Variants in NFXL1 observed in about 807,000 individuals in gnomAD.
NFXL1 encodes nuclear transcription factor, X-box binding like 1.
Under a neutral mutation model 123.3 loss-of-function variants are expected in NFXL1, and 66 were observed. The ratio of observed to expected loss-of-function variants is 0.54; its 90% confidence interval spans 0.44 to 0.66. NFXL1 has a LOEUF of 0.66. Among genes scored for constraint, NFXL1 ranks in the 30% least tolerant of loss-of-function variants. NFXL1 has a pLI of 0.00. For missense variants in NFXL1, 944 were observed against 1,125.6 expected, an observed-to-expected ratio of 0.84 and a Z score of 2.31; for synonymous variants, 346 against 360.8, an observed-to-expected ratio of 0.96 and a Z score of 0.46.
intron 18 of NFXL1, among the ~76,000 whole-genome samples, chr4:47,873,575 G>C (rs1578007058): frequency 6.6e-6 from 1 of 152,124 alleles, no homozygotes; most frequent in East Asian, 1.9e-4. Context: ...CTGATCAGTA[G>C]GTCTCAACAG....
At chr4:47,855,600 T>C (rs10030927) in intron 19 of NFXL1, among the ~76,000 whole-genome samples, 111,413 of 151,716 alleles carry the variant, frequency 0.73, 41,158 homozygotes, top group South Asian at 0.76. Flanking sequence ...AGAGCAGAGC[T>C]GCCAGCTGAC....
intron 5 of NFXL1, 78 bp from the exon 6 acceptor site, chr4:47,899,626 G>A: frequency 2.4e-6 from 2 of 835,744 alleles, no homozygotes; most frequent in Non-Finnish European, 1.9e-6. Context: ...ACTTAACAGA[G>A]TATATTCTGT....
intron 6 of NFXL1, 119 bp downstream of exon 6, chr4:47,899,251 T>G (rs1365451595): frequency 1.6e-6 from 2 of 1,285,074 alleles, no homozygotes; most frequent in African/African-American, 1.5e-5. Context: ...GGCAATAACT[T>G]TCAATATTTT....
chr4:47,877,340 GA>G (rs1735817035), intron 17 of NFXL1: 2 of 350,408 alleles, frequency 5.7e-6, no homozygotes, highest in Non-Finnish European at 1.1e-5. Flanking sequence ...TCTTAGTTAA[GA>G]AATACAGCAA....
chr4:47,867,550 T>C (rs977761672), intron 18 of NFXL1, among the ~76,000 whole-genome samples: 1 of 152,122 alleles, frequency 6.6e-6, no homozygotes, highest in African/African-American at 2.4e-5. Flanking sequence ...ATTGAACTTA[T>C]ATGTTGAAAG....
chr4:47,866,132 TG>T (rs1735057773), intron 18 of NFXL1, among the ~76,000 whole-genome samples: 1 of 150,878 alleles, frequency 6.6e-6, no homozygotes, highest in South Asian at 2.1e-4. Flanking sequence ...ACTTCAGACT[TG>T]TTTCAAAATA....
intron 19 of NFXL1, among the ~76,000 whole-genome samples, chr4:47,855,621 G>C (rs1734364770): frequency 6.6e-6 from 1 of 151,894 alleles, no homozygotes; most frequent in South Asian, 2.1e-4. Context: ...TTGGATTCAT[G>C]GGTGAACACA....
chr4:47,895,690 C>G (rs899593538), intron 10 of NFXL1, among the ~76,000 whole-genome samples: 3 of 152,288 alleles, frequency 2.0e-5, no homozygotes, highest in Non-Finnish European at 4.4e-5. Flanking sequence ...TGTTTGCAGA[C>G]CTCTAAATCT....
chr4:47,860,335 T>C (rs1734695495), intron 19 of NFXL1, among the ~76,000 whole-genome samples: 1 of 152,224 alleles, frequency 6.6e-6, no homozygotes, highest in Admixed American at 6.5e-5. Context: ...ATATCTCTTT[T>C]AAGAAAGAGC....
intron 16 of NFXL1, 114 bp from the exon 17 acceptor site, chr4:47,878,779 A>T (rs1735906616): frequency 1.4e-6 from 1 of 705,194 alleles, no homozygotes; most frequent in African/African-American, 1.9e-5. Context: ...GAAAGGTATA[A>T]GTTTGCACGA....
chr4:47,893,781 T>C (rs1736916671), intron 11 of NFXL1, among the ~76,000 whole-genome samples: 1 of 152,022 alleles, frequency 6.6e-6, no homozygotes, highest in South Asian at 2.1e-4. Context: ...TGATGATAAA[T>C]ATCAAAAATT....
intron 6 of NFXL1, 51 bp downstream of exon 6, chr4:47,899,319 T>A (rs376206259): frequency 1.1e-4 from 168 of 1,478,238 alleles, no homozygotes; most frequent in Non-Finnish European, 1.4e-4. Flanking sequence ...TGCCTCAATA[T>A]AAGAAGAAAT....
chr4:47,871,350 C>CA (rs373960425), intron 18 of NFXL1, among the ~76,000 whole-genome samples: 98,059 of 135,594 alleles, frequency 0.72, 34,499 homozygotes, highest in South Asian at 0.76. Context: ...GACTCCGTCT[C>CA]AAAAAAAAAA....
intron 17 of NFXL1, 60 bp downstream of exon 17, chr4:47,878,465 T>G (rs1735884959): frequency 7.8e-7 from 1 of 1,275,654 alleles, no homozygotes; most frequent in Non-Finnish European, 1.1e-6. Context: ...ATGGTATAAC[T>G]GTTGAAAAAA....
chr4:47,884,714 G>T (rs1437135581), intron 14 of NFXL1, among the ~76,000 whole-genome samples: 9 of 152,086 alleles, frequency 5.9e-5, no homozygotes, highest in Admixed American at 5.9e-4. Flanking sequence ...ATAAGGAAAT[G>T]AGAAAAACAA....
At chr4:47,905,101 C>A in intron 4 of NFXL1, 136 bp downstream of exon 4, 2 of 432,100 alleles carry the variant, frequency 4.6e-6, no homozygotes, top group South Asian at 4.8e-5. Context: ...AAATGAAGAT[C>A]AATTCATATA....
chr4:47,856,341 G>A (rs1416935661), intron 19 of NFXL1, among the ~76,000 whole-genome samples: 1 of 151,972 alleles, frequency 6.6e-6, no homozygotes, highest in Admixed American at 6.6e-5. Flanking sequence ...GTTCCTTGAG[G>A]GCAATGGTCA....
intron 1 of NFXL1, 77 bp downstream of exon 1, chr4:47,914,288 C>T (rs1048404662): frequency 6.3e-6 from 7 of 1,109,192 alleles, no homozygotes; most frequent in African/African-American, 1.6e-5. Flanking sequence ...GTGCGGAAAC[C>T]CGGTGTGAGG....
At chr4:47,903,971 C>A (rs1737454270) in intron 4 of NFXL1, among the ~76,000 whole-genome samples, 1 of 152,070 alleles carries the variant, frequency 6.6e-6, no homozygotes. Context: ...AAATCAGTTC[C>A]CCTTTCCTTA....
Sources: allele counts gnomAD v4.1 joint callset (sites outside exome capture counted in the v4.1 genomes callset), GRCh38; gene constraint gnomAD v4.1.1; transcripts MANE v1.5; gene names NCBI Gene and HGNC (gene_info 2026-07-23, HGNC 2026-07-21).